SLTM: variants seen among roughly 807,000 people sequenced by gnomAD.
SLTM encodes the protein SAFB-like transcription modulator.
SLTM carries 43 observed loss-of-function variants against 134.6 expected under a neutral mutation model. The observed-to-expected ratio is 0.32, with a 90% CI of 0.25 to 0.41. SLTM has a LOEUF of 0.41. SLTM is among the 10% of genes least tolerant of loss of function. SLTM has a pLI of 1.00. For missense variants in SLTM, 1,055 were observed against 1,288.8 expected (o/e 0.82, Z 2.78); for synonymous variants, 424 against 432.3 (o/e 0.98, Z 0.24).
chr15:58,882,185 A>AAAAAAAAAAAAAAAAAAAAAACC (rs1404007639), intron 20 of SLTM, among the ~76,000 whole-genome samples: 9 of 148,708 alleles, frequency 6.1e-5, no homozygotes, highest in African/African-American at 2.2e-4. Flanking sequence ...CTGTCTCAAA[A>AAAAAAAAAAAAAAAAAAAAAACC]AAAAAAAACC....
At chr15:58,882,481 A>G (rs1248215405) in intron 20 of SLTM, among the ~76,000 whole-genome samples, 5 of 152,244 alleles carry the variant, frequency 3.3e-5, no homozygotes, top group African/African-American at 1.2e-4. Context: ...CAAAGGCAGA[A>G]AGAAAATGAT....
At chr15:58,896,721 T>TC (rs1254534742) in intron 9 of SLTM, among the ~76,000 whole-genome samples, 1 of 152,166 alleles carries the variant, frequency 6.6e-6, no homozygotes, top group African/African-American at 2.4e-5. Flanking sequence ...TATCTGGTTC[T>TC]CCCCAGGCCC....
intron 2 of SLTM, among the ~76,000 whole-genome samples, chr15:58,925,439 G>A (rs1232639750): frequency 6.6e-6 from 1 of 152,170 alleles, no homozygotes; most frequent in South Asian, 2.1e-4. Flanking sequence ...CTGGGTTCAA[G>A]TGACTCTCCT....
intron 19 of SLTM, among the ~76,000 whole-genome samples, 163 bp from the exon 20 acceptor site, chr15:58,883,949 AT>A (rs1421190637): frequency 1.3e-5 from 2 of 151,946 alleles, no homozygotes; most frequent in African/African-American, 4.8e-5. Flanking sequence ...AATACAAAAA[AT>A]TAGTCAGGCA....
At chr15:58,916,178 C>CTTTTTTT (rs11455727) in intron 3 of SLTM, among the ~76,000 whole-genome samples, 1 of 138,676 alleles carries the variant, frequency 7.2e-6, no homozygotes, top group Non-Finnish European at 1.5e-5. Context: ...CTCTCTCTCT[C>CTTTTTTT]TTTTTTTTTT....
chr15:58,932,509 G>C, intron 1 of SLTM, 66 bp from the exon 2 acceptor site: 2 of 1,285,130 alleles, frequency 1.6e-6, no homozygotes, highest in Non-Finnish European at 1.1e-6. Context: ...AAAACGAAAT[G>C]AAAAAAAATT....
intron 14 of SLTM, 99 bp downstream of exon 14, chr15:58,892,798 G>A: frequency 7.8e-7 from 1 of 1,285,222 alleles, no homozygotes; most frequent in Non-Finnish European, 1.1e-6. Context: ...GTGGCAAACA[G>A]TTTTCTGTGG....
chr15:58,897,229 A>G lies in SLTM; in HGVS notation c.1113T>C (p.Ser371=). The change falls in exon 9 of 21, where the codon AGT becomes AGC. Residue 371 remains serine (S), a synonymous_variant. Coordinates refer to ENST00000380516, the MANE Select transcript of SLTM (RefSeq NM_024755.4). The part of the protein sequence containing the change: ...SKTSSKDDKG[S]TSSTSGSSGS... ...CACTGCTACCACTAGTACTACTTGT[A>G]CTTCCTAGAATAGATTTAATATCAG... 6.4e-7 allele frequency: 1 copy of G among 1,556,530 alleles called. No individual in the cohort carries two copies. The highest frequency in any genetic ancestry group is 8.9e-7 in the Non-Finnish European group (1 of 1,128,264).
chr15:58,915,919 T>C (rs1177214231), intron 3 of SLTM, among the ~76,000 whole-genome samples: 1 of 151,886 alleles, frequency 6.6e-6, no homozygotes. Flanking sequence ...TTCCTGCAAA[T>C]ACCACAATAC....
chr15:58,933,273 C>G, intron 1 of SLTM, 131 bp downstream of exon 1: 1 of 992,716 alleles, frequency 1.0e-6, no homozygotes, highest in Non-Finnish European at 1.4e-6. Context: ...GGAGCCGCCC[C>G]TGGCCTCCCT....
intron 16 of SLTM, 136 bp downstream of exon 16, chr15:58,889,294 A>G: frequency 8.9e-7 from 1 of 1,125,354 alleles, no homozygotes. Flanking sequence ...CTACCCCAGT[A>G]CTGTAATCCT....
Position 58,886,955 on chromosome 15 carries a change from A to G in SLTM, c.2835+20T>C, listed in dbSNP as rs2034258109. The G allele has an allele frequency of 1.2e-6, 2 of 1,611,728 alleles. No homozygotes were observed. The highest frequency in any genetic ancestry group is 2.2e-5 in the South Asian group (2 of 90,982). On this transcript the variant is annotated intron_variant, in intron 19 of 20. Transcript: ENST00000380516. ...AAATGTATGTGTGCAGGCTCGCGGC[A>G]AGCCTCCCGCAGCACTTACCTGTGA...
At position 58,933,555 on chromosome 15, in the gene SLTM, G is replaced by C; in HGVS notation, c.11C>G (p.Ala4Gly). Residue 4 changes from alanine (A) to glycine (G), a missense_variant, in exon 1 of 21, where the codon GCT becomes GGT. Around this residue, in one of 3 missense-constraint regions of SLTM, gnomAD observed 268 missense variants for 284.3 expected, o/e 0.94. Coordinates refer to ENST00000380516, the MANE Select transcript of SLTM (RefSeq NM_024755.4). MAA[A>G]TGAVAASAAS... Reference sequence around the variant, plus strand: ...GGCCGAGGCTGCCACCGCACCGGTAGCGGCAGCCATCTTAGAAGAGCAGCG... The same window carrying C: ...GGCCGAGGCTGCCACCGCACCGGTACCGGCAGCCATCTTAGAAGAGCAGCG... The C allele has an allele frequency of 6.3e-7, 1 of 1,593,718 alleles. No individual in the cohort carries two copies. The highest frequency in any genetic ancestry group is 8.5e-7 in the Non-Finnish European group (1 of 1,171,588).
chr15:58,902,675 G>GA (rs2035569709), intron 5 of SLTM, among the ~76,000 whole-genome samples: 1 of 150,722 alleles, frequency 6.6e-6, no homozygotes, highest in African/African-American at 2.4e-5. Context: ...TTACAGGTGT[G>GA]AGCCACTGTG....
At chr15:58,926,123 C>A (rs1380732246) in intron 2 of SLTM, among the ~76,000 whole-genome samples, 1 of 152,146 alleles carries the variant, frequency 6.6e-6, no homozygotes, top group Non-Finnish European at 1.5e-5. Flanking sequence ...CAAACCAACT[C>A]TATGGGGAGT....
chr15:58,928,129 C>T (rs558295023), intron 2 of SLTM, among the ~76,000 whole-genome samples: 2 of 152,218 alleles, frequency 1.3e-5, no homozygotes, highest in African/African-American at 2.4e-5. Flanking sequence ...GTTTTAATGT[C>T]GGTAAGTATT....
chr15:58,913,847 T>C (rs1001209647), intron 3 of SLTM, 151 bp from the exon 4 acceptor site: 7 of 592,946 alleles, frequency 1.2e-5, no homozygotes, highest in Admixed American at 3.3e-5. Context: ...ATATATTTAC[T>C]GTGTCTTTAA....
chr15:58,913,202 A>G (rs540363699), intron 4 of SLTM, among the ~76,000 whole-genome samples: 3 of 152,300 alleles, frequency 2.0e-5, no homozygotes, highest in African/African-American at 7.2e-5. Context: ...TGTCTATTAG[A>G]TATGTAGAAA....
At position 58,893,967 on chromosome 15, in the gene SLTM, T is replaced by C; in HGVS notation, c.1502A>G (p.Lys501Arg). Reference sequence around the variant, plus strand: ...TTTCTCAGACGATCTTTTCTCTTCTTTTTTGACAGAGGCTTGTGTCCTGAC... The same window carrying C: ...TTTCTCAGACGATCTTTTCTCTTCTCTTTTGACAGAGGCTTGTGTCCTGAC... ...RSSKTQASVK[K>R]EEKRSSEKSE... Residue 501 changes from lysine to arginine, a missense_variant, in exon 12 of 21, where the codon AAA becomes AGA. Around this residue, in one of 3 missense-constraint regions of SLTM, gnomAD observed 776 missense variants for 962.2 expected, o/e 0.81. Transcript: ENST00000380516. The C allele has an allele frequency of 6.2e-7, 1 of 1,611,730 alleles. No individual in the cohort carries two copies. The highest frequency in any genetic ancestry group is 2.2e-5 in the East Asian group (1 of 44,836).
Sources: allele counts gnomAD v4.1 joint callset (sites outside exome capture counted in the v4.1 genomes callset), GRCh38; gene constraint gnomAD v4.1.1; regional missense constraint gnomAD v4.1.1; transcripts MANE v1.5; gene names NCBI Gene and HGNC (gene_info 2026-07-23, HGNC 2026-07-21).